PDE1A: variants seen among roughly 807,000 people sequenced by gnomAD.
PDE1A encodes the protein dual specificity calcium/calmodulin-dependent 3',5'-cyclic nucleotide phosphodiesterase 1A.
PDE1A carries 35 observed loss-of-function variants against 61.7 expected under a neutral mutation model. The observed-to-expected ratio is 0.57, with a 90% CI of 0.43 to 0.75. PDE1A has a LOEUF of 0.75. Ranked by LOEUF, PDE1A falls within the 30% of genes least tolerant of loss-of-function variation. The pLI is 0.00. For missense variants in PDE1A, 597 were observed against 630.6 expected, an observed-to-expected ratio of 0.95 and a Z score of 0.57; for synonymous variants, 232 against 213.2, an observed-to-expected ratio of 1.09 and a Z score of -0.77.
At chr2:182,348,776 G>C (rs973425115) in intron 1 of PDE1A, among the ~76,000 whole-genome samples, 1 of 151,256 alleles carries the variant, frequency 6.6e-6, no homozygotes, top group Non-Finnish European at 1.5e-5. Context: ...CAGAGCTTTG[G>C]GCTACTAGAT....
intron 1 of PDE1A, among the ~76,000 whole-genome samples, chr2:182,367,036 A>G (rs1412688069): frequency 6.6e-6 from 1 of 152,098 alleles, no homozygotes; most frequent in African/African-American, 2.4e-5. Flanking sequence ...CTTCAAATTA[A>G]CACTGATCAC....
At chr2:182,229,594 T>G (rs1299519439) in intron 6 of PDE1A, among the ~76,000 whole-genome samples, 2 of 152,146 alleles carry the variant, frequency 1.3e-5, no homozygotes, top group African/African-American at 2.4e-5. Context: ...AATTTGACTG[T>G]GATTAGTAAT....
intron 2 of PDE1A, among the ~76,000 whole-genome samples, chr2:182,448,636 C>T (rs1179846433): frequency 1.3e-5 from 2 of 152,090 alleles, no homozygotes; most frequent in Non-Finnish European, 2.9e-5. Flanking sequence ...TCACCCACTG[C>T]TAATGACTGT....
chr2:182,635,652 T>C, the PDE1A span, among the ~76,000 whole-genome samples: 10 of 150,082 alleles, frequency 6.7e-5, no homozygotes, highest in East Asian at 2.0e-3. Context: ...CATTTATGGA[T>C]CACTTTGTTT....
the PDE1A span, among the ~76,000 whole-genome samples, chr2:182,671,119 A>G: frequency 0.013 from 1,920 of 152,004 alleles, 21 homozygotes; most frequent in South Asian, 0.049. Flanking sequence ...GCGCCCAGCC[A>G]TACTATTTCT....
chr2:182,480,291 A>C (rs1167222451), intron 2 of PDE1A, among the ~76,000 whole-genome samples: 1 of 151,976 alleles, frequency 6.6e-6, no homozygotes, highest in Non-Finnish European at 1.5e-5. Flanking sequence ...AACGGTATTA[A>C]GTGCCAGAAA....
At chr2:182,291,269 T>C (rs1429062294) in intron 1 of PDE1A, among the ~76,000 whole-genome samples, 2 of 152,114 alleles carry the variant, frequency 1.3e-5, no homozygotes, top group African/African-American at 4.8e-5. Flanking sequence ...GTCTTCCTAT[T>C]GCCTTCAGAG....
chr2:182,716,636 C>T, the PDE1A span, among the ~76,000 whole-genome samples: 1 of 152,206 alleles, frequency 6.6e-6, no homozygotes, highest in Non-Finnish European at 1.5e-5. Flanking sequence ...CCTTCCTCCT[C>T]CCTGTTATTC....
chr2:182,312,213 G>A (rs567984613), intron 1 of PDE1A, among the ~76,000 whole-genome samples: 1 of 151,754 alleles, frequency 6.6e-6, no homozygotes, highest in Non-Finnish European at 1.5e-5. Context: ...TCAGATATAT[G>A]GTTTGCAAAT....
chr2:182,204,876 A>T (rs1686968377), intron 8 of PDE1A, among the ~76,000 whole-genome samples: 3 of 152,322 alleles, frequency 2.0e-5, no homozygotes, highest in Admixed American at 1.3e-4. Flanking sequence ...TCTACCTGAC[A>T]GCATTTTCTA....
At chr2:182,449,360 A>G (rs1266429359) in intron 2 of PDE1A, among the ~76,000 whole-genome samples, 1 of 151,798 alleles carries the variant, frequency 6.6e-6, no homozygotes, top group Non-Finnish European at 1.5e-5. Context: ...GAAGGAAGGG[A>G]GGGAGGGAGG....
intron 2 of PDE1A, among the ~76,000 whole-genome samples, chr2:182,449,733 T>C (rs1395140126): frequency 6.6e-6 from 1 of 152,102 alleles, no homozygotes; most frequent in East Asian, 1.9e-4. Flanking sequence ...AGACCCATAT[T>C]TGAATGTTGG....
At chr2:182,306,934 C>A (rs1039841731) in intron 1 of PDE1A, among the ~76,000 whole-genome samples, 2 of 151,986 alleles carry the variant, frequency 1.3e-5, no homozygotes, top group African/African-American at 2.4e-5. Flanking sequence ...GCAACAAAAG[C>A]AAAAGTAGAT....
chr2:182,247,565 C>T (rs969134150), intron 2 of PDE1A, among the ~76,000 whole-genome samples: 2 of 152,162 alleles, frequency 1.3e-5, no homozygotes, highest in Admixed American at 6.5e-5. Context: ...CCCTCGTACC[C>T]GCCTTGTACT....
At chr2:182,517,457 T>C (rs1346651954) in intron 2 of PDE1A, among the ~76,000 whole-genome samples, 2 of 152,224 alleles carry the variant, frequency 1.3e-5, no homozygotes, top group African/African-American at 4.8e-5. Flanking sequence ...CAGAATTTTA[T>C]TCATTCATTG....
In PDE1A at chr2:182,332,573, G is replaced by A. The variant is rs568410926; in HGVS notation, c.54-68159C>T. On this transcript the variant is annotated intron_variant, in intron 1 of 13. Coordinates refer to ENST00000351439, the Ensembl canonical transcript of PDE1A. The stretch of plus-strand genomic sequence containing the variant: ...TGTGGATGTCCTTTTTGTTGATGTT[G>A]ATGCTATTCCTTTTCATTTGTTCAT... Among the ~76,000 whole-genome samples the A allele has an allele frequency of 2.0e-4, 31 of 152,234 alleles. No individual in the cohort carries two copies. The South Asian group carries it at 6.0e-3, about 30-fold the overall frequency.
Position 182,206,106 on chromosome 2 carries a change from A to C in PDE1A, c.777-41T>G, listed in dbSNP as rs1406896373. The C allele has an allele frequency of 2.6e-6, 4 of 1,564,268 alleles. No individual in the cohort carries two copies. In the African/African-American group the frequency reaches 5.4e-5, roughly 21 times the overall value. ...AAAATGCCCAACAGAGGATTTCTTT[A>C]GACATCATGAATGTCTAATAAGACT... On this transcript the variant is annotated intron_variant, in intron 7 of 13. Coordinates refer to ENST00000351439, the Ensembl canonical transcript of PDE1A.
At chr2:182,443,926 C>T (rs1312774850) in intron 2 of PDE1A, among the ~76,000 whole-genome samples, 1 of 152,068 alleles carries the variant, frequency 6.6e-6, no homozygotes, top group East Asian at 1.9e-4. Context: ...TGGTCTTGAA[C>T]TCCTGACCTC....
At chr2:182,169,891 GACACACAC>G (rs748862736) in intron 13 of PDE1A, among the ~76,000 whole-genome samples, 23 of 140,042 alleles carry the variant, frequency 1.6e-4, no homozygotes, top group Non-Finnish European at 2.6e-4. Context: ...GTGGACAGGA[GACACACAC>G]ACACACACAC....
Sources: allele counts gnomAD v4.1 joint callset (sites outside exome capture counted in the v4.1 genomes callset), GRCh38; gene constraint gnomAD v4.1.1; transcripts MANE v1.5; gene names NCBI Gene and HGNC (gene_info 2026-07-23, HGNC 2026-07-21).